The following KIAA0586 variants were observed in gnomAD, a reference collection of about 807,000 sequenced individuals.
KIAA0586 encodes the protein protein TALPID3.
KIAA0586 carries 144 observed loss-of-function variants against 169.8 expected under a neutral mutation model. That is an observed-to-expected ratio of 0.85 (90% CI 0.74 to 0.97). The LOEUF (loss-of-function observed/expected upper bound fraction) is 0.97. Among genes scored for constraint, KIAA0586 ranks in the 50% least tolerant of loss-of-function variants. KIAA0586 has a pLI of 0.00. For missense variants in KIAA0586, 1,854 were observed against 1,823.0 expected, an observed-to-expected ratio of 1.02 and a Z score of -0.31; for synonymous variants, 625 against 612.4, an observed-to-expected ratio of 1.02 and a Z score of -0.30.
rs984828579 is a variant in KIAA0586 at position 58,462,656 on chromosome 14, A to G, written c.2059+1496A>G. Among the ~76,000 whole-genome samples the G allele has an allele frequency of 4.6e-5, 7 of 152,344 alleles. No homozygotes were observed. In the East Asian group the frequency reaches 7.7e-4, roughly 17 times the overall value. On this transcript the variant is annotated intron_variant, in intron 14 of 30. Transcript: ENST00000652326. ...TCAAATCCAAAAATAACTTTATTCAATAACGCTTTTAATGATCAGAAGTGA... is the reference window on the plus strand; with the variant it reads ...TCAAATCCAAAAATAACTTTATTCAGTAACGCTTTTAATGATCAGAAGTGA...
chr14:58,521,410 C>T (rs1339026704), intron 29 of KIAA0586: 12 of 829,700 alleles, frequency 1.4e-5, no homozygotes, highest in Middle Eastern at 2.3e-4. Flanking sequence ...GAGAGAAATG[C>T]CCGGGCCGCT....
At chr14:58,447,188 T>G (rs2140639033) in intron 6 of KIAA0586, among the ~76,000 whole-genome samples, 1 of 152,340 alleles carries the variant, frequency 6.6e-6, no homozygotes, top group South Asian at 2.1e-4. Flanking sequence ...TAGTTGAGTC[T>G]GTTTCATCTG....
intron 21 of KIAA0586, among the ~76,000 whole-genome samples, chr14:58,485,372 G>T (rs1372803746): frequency 6.6e-6 from 1 of 152,106 alleles, no homozygotes; most frequent in Admixed American, 6.5e-5. Context: ...TTACTGATCA[G>T]ATCGGCAAAA....
intron 9 of KIAA0586, among the ~76,000 whole-genome samples, chr14:58,455,043 T>C (rs1003127853): frequency 2.0e-5 from 3 of 152,214 alleles, no homozygotes; most frequent in Admixed American, 1.3e-4. Context: ...TATCCTCATA[T>C]TCCTTTCCTC....
intron 5 of KIAA0586, among the ~76,000 whole-genome samples, chr14:58,443,751 A>G (rs2038616710): frequency 6.6e-6 from 1 of 152,160 alleles, no homozygotes; most frequent in Non-Finnish European, 1.5e-5. Context: ...TTGAGAGGAA[A>G]CATTTACCTA....
chr14:58,505,588 A>G (rs1360201556), intron 27 of KIAA0586, among the ~76,000 whole-genome samples: 1 of 152,178 alleles, frequency 6.6e-6, no homozygotes, highest in East Asian at 1.9e-4. Context: ...TCGGCAATTT[A>G]TTAGTGCCCT....
At chr14:58,464,295 C>T (rs979962385) in intron 14 of KIAA0586, among the ~76,000 whole-genome samples, 10 of 127,616 alleles carry the variant, frequency 7.8e-5, no homozygotes, top group Non-Finnish European at 1.3e-4. Context: ...GCATTCTTAT[C>T]ACATACTATA....
At chr14:58,517,310 A>G (rs1425241736) in intron 29 of KIAA0586, among the ~76,000 whole-genome samples, 2 of 152,238 alleles carry the variant, frequency 1.3e-5, no homozygotes, top group South Asian at 2.1e-4. Flanking sequence ...TTTAAAATGC[A>G]TAAAAGATTT....
the KIAA0586 span, among the ~76,000 whole-genome samples, chr14:58,560,023 C>T: frequency 2.0e-3 from 299 of 152,078 alleles, no homozygotes; most frequent in African/African-American, 6.5e-3. Flanking sequence ...TGATGGCACG[C>T]GCCTGTAATA....
At chr14:58,495,198 A>G (rs1254203140) in intron 26 of KIAA0586, among the ~76,000 whole-genome samples, 1 of 152,222 alleles carries the variant, frequency 6.6e-6, no homozygotes, top group Middle Eastern at 3.4e-3. Flanking sequence ...TTAGAATTCT[A>G]TCTTCTCCAG....
intron 20 of KIAA0586, 112 bp downstream of exon 20, chr14:58,477,353 T>C (rs1380765256): frequency 3.3e-6 from 2 of 612,538 alleles, no homozygotes; most frequent in Non-Finnish European, 5.8e-6. Context: ...AAAGGTAAGC[T>C]CTTCTAACCT....
Position 58,508,611 on chromosome 14 carries a change from G to C in KIAA0586, c.4225G>C (p.Glu1409Gln). The change falls in exon 28 of 31, where the codon GAG (glutamate) becomes CAG (glutamine). Residue 1409 changes from glutamate to glutamine, a missense_variant. Transcript: ENST00000652326. ...SHGPMSLGEL[E>Q]LEPNSKLVLP... ...TGGTCCAATGAGTTTGGGAGAATTGGAGTTGGAGCCAAATTCTAAGCTGGT... is the reference window on the plus strand; with the variant it reads ...TGGTCCAATGAGTTTGGGAGAATTGCAGTTGGAGCCAAATTCTAAGCTGGT... 1.3e-6 allele frequency: 2 copies of C among 1,598,806 alleles called. No individual in the cohort carries two copies. The highest frequency in any genetic ancestry group is 1.7e-6 in the Non-Finnish European group (2 of 1,171,958).
At chr14:58,445,437 C>CTTTTTTTTTT (rs560212866) in intron 6 of KIAA0586, among the ~76,000 whole-genome samples, 2 of 142,070 alleles carry the variant, frequency 1.4e-5, no homozygotes, top group African/African-American at 2.6e-5. Flanking sequence ...CTTTCTTTTT[C>CTTTTTTTTTT]TTTTTTTTTT....
At chr14:58,522,104 G>A (rs1385318541) in intron 29 of KIAA0586, 2 of 641,600 alleles carry the variant, frequency 3.1e-6, no homozygotes, top group Admixed American at 2.4e-5. Flanking sequence ...CATGCTCACT[G>A]TTCTCCCAAT....
intron 14 of KIAA0586, among the ~76,000 whole-genome samples, chr14:58,461,872 T>C (rs1043070714): frequency 6.6e-6 from 1 of 152,238 alleles, no homozygotes; most frequent in Admixed American, 6.5e-5. Context: ...TGTATCACTG[T>C]GTATTTTGAG....
chr14:58,547,404 T>C (rs1320932048), intron 30 of KIAA0586, among the ~76,000 whole-genome samples: 1 of 152,186 alleles, frequency 6.6e-6, no homozygotes, highest in Non-Finnish European at 1.5e-5. Flanking sequence ...ATTTAACATA[T>C]GGGAAACTGA....
chr14:58,521,881 A>T (rs1211513717), intron 29 of KIAA0586: 5 of 1,221,626 alleles, frequency 4.1e-6, no homozygotes, highest in Middle Eastern at 4.0e-4. Flanking sequence ...CTAGATGATG[A>T]TGACAATGAA....
chr14:58,444,703 C>T (rs983983348), intron 6 of KIAA0586, among the ~76,000 whole-genome samples: 1 of 151,932 alleles, frequency 6.6e-6, no homozygotes, highest in Admixed American at 6.6e-5. Flanking sequence ...GAGTTACCTG[C>T]GTGAGCTGCC....
intron 19 of KIAA0586, among the ~76,000 whole-genome samples, chr14:58,475,154 T>C (rs2041511621): frequency 6.6e-6 from 1 of 152,306 alleles, no homozygotes; most frequent in South Asian, 2.1e-4. Flanking sequence ...CTGTGGCCTG[T>C]TAGGAACCAG....
Sources: allele counts gnomAD v4.1 joint callset (sites outside exome capture counted in the v4.1 genomes callset), GRCh38; gene constraint gnomAD v4.1.1; transcripts MANE v1.5; gene names NCBI Gene and HGNC (gene_info 2026-07-23, HGNC 2026-07-21).